Variants in NF2 observed in about 807,000 individuals in gnomAD.
NF2 encodes the protein merlin.
Under a neutral mutation model 83.7 loss-of-function variants are expected in NF2, and 8 were observed. That is an observed-to-expected ratio of 0.10 (90% confidence interval 0.06 to 0.17). The LOEUF is 0.17. Among genes scored for constraint, NF2 ranks in the 10% least tolerant of loss-of-function variants. The pLI is 1.00. For synonymous variants in NF2, 266 were observed against 269.6 expected (o/e 0.99, Z 0.13); for missense variants, 533 against 744.4 (o/e 0.72, Z 3.31).
intron 9 of NF2, among the ~76,000 whole-genome samples, chr22:29,665,765 A>G (rs1250091988): frequency 5.9e-5 from 9 of 151,610 alleles, no homozygotes; most frequent in East Asian, 1.9e-4. Context: ...GAAAAAAAAA[A>G]AAAAAGAAAA....
At chr22:29,604,701 A>C (rs2064739906) in intron 1 of NF2, among the ~76,000 whole-genome samples, 2 of 152,224 alleles carry the variant, frequency 1.3e-5, no homozygotes, top group Admixed American at 6.6e-5. Context: ...CCAAGCTCAC[A>C]GCCCGTACAG....
Position 29,668,344 on chromosome 22 carries a change from A to G in NF2, c.897A>G (p.Leu299=), listed in dbSNP as rs569956351. ...TTCTGTGGCCACAGATTCTCCAGCTATGTATCGGGAACCATGATCTATTTA... is the reference window on the plus strand; with the variant it reads ...TTCTGTGGCCACAGATTCTCCAGCTGTGTATCGGGAACCATGATCTATTTA... ...KLRVNKLILQ[L]CIGNHDLFMR... is the part of the protein sequence containing the mutation. Residue 299 remains leucine, a synonymous_variant, in exon 10 of 16, where the codon CTA becomes CTG. Coordinates refer to ENST00000338641, the MANE Select transcript of NF2 (RefSeq NM_000268.4). The G allele has an allele frequency of 6.2e-6, 10 of 1,613,310 alleles. No homozygotes were observed. The South Asian group carries it at 9.9e-5, about 16-fold the overall frequency.
chr22:29,618,496 G>A (rs2065132778), intron 1 of NF2, among the ~76,000 whole-genome samples: 1 of 152,118 alleles, frequency 6.6e-6, no homozygotes, highest in African/African-American at 2.4e-5. Context: ...ACTACTTGCT[G>A]CATTGCTCAA....
chr22:29,637,967 A>C (rs2065693393), intron 2 of NF2, among the ~76,000 whole-genome samples: 1 of 152,230 alleles, frequency 6.6e-6, no homozygotes, highest in South Asian at 2.1e-4. Flanking sequence ...TATGTTTTTC[A>C]TGATTCTTAG....
intron 1 of NF2, among the ~76,000 whole-genome samples, chr22:29,625,018 C>T (rs1449144602): frequency 6.8e-6 from 1 of 146,670 alleles, no homozygotes; most frequent in African/African-American, 2.5e-5. Flanking sequence ...CTGCAACCTC[C>T]GCCTCTGCCT....
intron 5 of NF2, 22 bp downstream of exon 5, chr22:29,654,747 T>C: frequency 6.3e-7 from 1 of 1,582,786 alleles, no homozygotes; most frequent in Middle Eastern, 1.7e-4. Flanking sequence ...AATTCCCTTT[T>C]CAGGAAGACA....
chr22:29,690,130 C>T (rs1475935139), intron 15 of NF2, among the ~76,000 whole-genome samples: 7 of 152,186 alleles, frequency 4.6e-5, no homozygotes, highest in Non-Finnish European at 1.0e-4. Context: ...TTCTCCAGAC[C>T]CTGGGGCCAT....
chr22:29,634,106 C>A (rs1056642350), intron 1 of NF2, among the ~76,000 whole-genome samples: 11 of 152,178 alleles, frequency 7.2e-5, no homozygotes, highest in Non-Finnish European at 1.3e-4. Flanking sequence ...TGCGGTTTGC[C>A]TATGTTAGAT....
intron 1 of NF2, among the ~76,000 whole-genome samples, chr22:29,633,040 A>G (rs1458599367): frequency 6.6e-6 from 1 of 152,216 alleles, no homozygotes; most frequent in Non-Finnish European, 1.5e-5. Context: ...TTTTTAAAGA[A>G]GTAGAAACCC....
chr22:29,670,503 TTGTGTGTGTGTGTGTGTGTG>T (rs131255), intron 10 of NF2, among the ~76,000 whole-genome samples: 1 of 146,342 alleles, frequency 6.8e-6, no homozygotes, highest in Non-Finnish European at 1.5e-5. Flanking sequence ...CTTTTTGAGC[TTGTGTGTGTGTGTGTGTGTG>T]TGTGTGTGTG....
At position 29,694,263 on chromosome 22, in the gene NF2, A is replaced by T. The variant is rs2067484363; in HGVS notation, c.1738-489A>T. ...GAGTAGAAGGGGTAAACTCTTCCTC[A>T]TCTGCCACAGGCCTGCCTTGCCTCA... is the stretch of plus-strand genomic sequence containing the variant. On this transcript the variant is annotated intron_variant, in intron 15 of 15. Transcript: ENST00000338641. This position sits in a 1 kb window ranked among gnomAD's most constrained non-coding sequence, Gnocchi z 4.1. 6.6e-6 allele frequency among the ~76,000 whole-genome samples: 1 copy of T among 152,184 alleles called. No homozygotes were observed. Among genetic ancestry groups the T allele is most frequent in the African/African-American group, 2.4e-5 (1 of 41,438 alleles).
At chr22:29,623,194 C>T (rs893406653) in intron 1 of NF2, among the ~76,000 whole-genome samples, 10 of 152,090 alleles carry the variant, frequency 6.6e-5, no homozygotes, top group South Asian at 4.1e-4. Context: ...ATCCTTCCGC[C>T]TCAGCCTCTC....
intron 13 of NF2, 90 bp from the exon 14 acceptor site, chr22:29,678,106 T>C: frequency 6.3e-7 from 1 of 1,580,606 alleles, no homozygotes; most frequent in South Asian, 1.1e-5. Context: ...CCATTGCCTC[T>C]GTGGCTGCTG....
intron 1 of NF2, among the ~76,000 whole-genome samples, chr22:29,618,246 A>G (rs1443105521): frequency 6.6e-6 from 1 of 152,126 alleles, no homozygotes; most frequent in Non-Finnish European, 1.5e-5. Flanking sequence ...CCTGCTTTTT[A>G]TGTTGTCCAT....
At chr22:29,661,596 C>T (rs1477437558) in intron 8 of NF2, among the ~76,000 whole-genome samples, 10 of 152,190 alleles carry the variant, frequency 6.6e-5, no homozygotes, top group Non-Finnish European at 2.9e-5. Flanking sequence ...AAAACAGTAA[C>T]ATTTTCTTAT....
chr22:29,668,489 C>A (rs2147053679), intron 10 of NF2, 43 bp downstream of exon 10: 3 of 1,495,596 alleles, frequency 2.0e-6, no homozygotes, highest in South Asian at 2.3e-5. Flanking sequence ...ACTGTGTGGT[C>A]AGTCCTGGCC....
chr22:29,638,395 G>C (rs2077614191), intron 2 of NF2, among the ~76,000 whole-genome samples: 1 of 150,430 alleles, frequency 6.6e-6, no homozygotes, highest in South Asian at 2.1e-4. Flanking sequence ...TTGTTGCCCA[G>C]GCTGCAGTAC....
At chr22:29,678,514 C>T (rs1449930358) in intron 14 of NF2, among the ~76,000 whole-genome samples, 191 bp downstream of exon 14, 3 of 152,186 alleles carry the variant, frequency 2.0e-5, no homozygotes, top group African/African-American at 7.2e-5. Context: ...GATCAGCATT[C>T]ATTCTGAACG....
rs2066874461 is a variant in NF2, at chr22:29,673,591, C to G, written c.1340+105C>G. The G allele has an allele frequency of 5.1e-5, 66 of 1,295,466 alleles. 1 individual carries two copies. In the South Asian group the frequency reaches 8.2e-4, roughly 16 times the overall value. 80.2% of individuals were successfully genotyped at this position (1,295,466 alleles called of 1,614,324 possible). ...CAGCAGTTGTCCTCAAGCTGCTTGC[C>G]CATCTTCTGGGCCGTGGGGAGGCTC... On this transcript the variant is annotated intron_variant, in intron 12 of 15. Coordinates refer to ENST00000338641, the MANE Select transcript of NF2 (RefSeq NM_000268.4).
Sources: gnomAD v4.1 joint callset for allele counts (sites outside exome capture counted in the v4.1 genomes callset) on GRCh38, gnomAD v4.1.1 for gene constraint, Gnocchi (gnomAD v3.1) non-coding constraint, MANE v1.5 for transcripts, NCBI Gene and HGNC (gene_info 2026-07-23, HGNC 2026-07-21) for gene names.